The following TNFRSF19 variants were observed in gnomAD, a reference collection of about 807,000 sequenced individuals.
The protein encoded by TNFRSF19 is TNF receptor superfamily member 19, also known as tumor necrosis factor receptor superfamily member 19.
TNFRSF19 carries 27 observed loss-of-function variants against 46.4 expected under a neutral mutation model. That is an observed-to-expected ratio of 0.58 (90% CI 0.43 to 0.80). The LOEUF (loss-of-function observed/expected upper bound fraction) is 0.80. Among genes scored for constraint, TNFRSF19 ranks in the 30% least tolerant of loss-of-function variants. The probability of loss-of-function intolerance (pLI) is 0.00; values close to 1 mark genes in which losing one functional copy is unlikely to be tolerated. For synonymous variants in TNFRSF19, 204 were observed against 205.0 expected (o/e 1.00, Z 0.04); for missense variants, 511 against 530.8 (o/e 0.96, Z 0.37).
chr13:23,618,435 A>C (rs1351633460), intron 4 of TNFRSF19, among the ~76,000 whole-genome samples: 1 of 152,232 alleles, frequency 6.6e-6, no homozygotes, highest in Non-Finnish European at 1.5e-5. Flanking sequence ...ATGCAAATCA[A>C]ACCCACATTC....
intron 4 of TNFRSF19, among the ~76,000 whole-genome samples, chr13:23,620,402 T>C (rs1374789596): frequency 6.6e-6 from 1 of 152,168 alleles, no homozygotes; most frequent in Non-Finnish European, 1.5e-5. Context: ...CACCAGCTGC[T>C]TCCCTCTCAG....
At chr13:23,592,194 G>T (rs1250658660) in intron 2 of TNFRSF19, among the ~76,000 whole-genome samples, 1 of 152,106 alleles carries the variant, frequency 6.6e-6, no homozygotes, top group African/African-American at 2.4e-5. Context: ...AATGTCCTGT[G>T]CTCAACTGTG....
chr13:23,673,581 A>G lies in TNFRSF19; in HGVS notation c.*201A>G, dbSNP rs560105128. On this transcript the variant is annotated 3_prime_UTR_variant, in exon 10 of 10. Coordinates refer to ENST00000248484, the MANE Select transcript of TNFRSF19 (RefSeq NM_148957.4). ...GTAAGCTGAAACCTCAATGAATAAC[A>G]AGAAAAGACTCCAGGCCGACTCATG... 4.5e-5 allele frequency: 56 copies of G among 1,253,244 alleles called. No homozygotes were observed. Among genetic ancestry groups the G allele is most frequent in the Non-Finnish European group, 5.5e-5 (55 of 994,416 alleles). 77.6% of individuals were successfully genotyped at this position (1,253,244 alleles called of 1,614,324 possible). A position where few individuals can be genotyped will look rare whatever the true frequency, so the allele number is the denominator to read the frequency against.
chr13:23,664,937 A>G (rs963203245), intron 7 of TNFRSF19, among the ~76,000 whole-genome samples: 4 of 152,232 alleles, frequency 2.6e-5, no homozygotes, highest in Non-Finnish European at 5.9e-5. Flanking sequence ...CAGGACCACT[A>G]TGGTATAGTT....
rs1474939987 is a variant in TNFRSF19 at position 23,675,636 on chromosome 13, A to G, written c.*2256A>G. On this transcript the variant is annotated 3_prime_UTR_variant, in exon 10 of 10. Transcript: ENST00000248484. ...ATTTGAGGAAAAAAATGCAATTTGC[A>G]CTTCACTTTGTTGGAATATCCCATA... 1 of 152,204 alleles carries G rather than the reference A, an allele frequency of 6.6e-6. No homozygotes were observed. The highest frequency in any genetic ancestry group is 2.4e-5 in the African/African-American group (1 of 41,462). The allele number at this position is 152,204 out of a possible 1,614,324, so 9.4% of individuals were successfully genotyped here. A position where few individuals can be genotyped will look rare whatever the true frequency, so the allele number is the denominator to read the frequency against.
chr13:23,599,900 G>A (rs945263995), intron 3 of TNFRSF19, among the ~76,000 whole-genome samples: 2 of 148,996 alleles, frequency 1.3e-5, no homozygotes, highest in Admixed American at 6.7e-5. Flanking sequence ...AAGAGGGGGG[G>A]TCCATTCAGA....
chr13:23,611,966 T>C (rs1303998054), intron 3 of TNFRSF19, among the ~76,000 whole-genome samples: 1 of 152,166 alleles, frequency 6.6e-6, no homozygotes, highest in African/African-American at 2.4e-5. Context: ...CAGTGTTAAA[T>C]ACATGCACTC....
chr13:23,586,225 T>G (rs1267043848), intron 1 of TNFRSF19, among the ~76,000 whole-genome samples: 15 of 127,946 alleles, frequency 1.2e-4, no homozygotes, highest in Non-Finnish European at 2.0e-4. Flanking sequence ...ACTACTGCAC[T>G]CCAGCCTGGG....
chr13:23,643,790 C>T (rs896485325), intron 5 of TNFRSF19, among the ~76,000 whole-genome samples: 8 of 152,218 alleles, frequency 5.3e-5, no homozygotes, highest in Admixed American at 1.3e-4. Context: ...AAATAACCTC[C>T]ACCCCACAAT....
chr13:23,652,803 G>A (rs1883729669), intron 5 of TNFRSF19, among the ~76,000 whole-genome samples: 1 of 152,086 alleles, frequency 6.6e-6, no homozygotes, highest in African/African-American at 2.4e-5. Flanking sequence ...TGGAATACTT[G>A]GGATTTTTCC....
chr13:23,659,001 T>G lies in TNFRSF19; in HGVS notation c.446-49T>G, dbSNP rs758568113. On this transcript the variant is annotated intron_variant, in intron 5 of 9. Transcript: ENST00000248484. The surrounding 1 kb of genome is among the most constrained non-coding windows in gnomAD (Gnocchi z 4.9). Reference sequence around the variant, plus strand: ...TGCCTGCCAGCTTCGCCATAAACACTGCATCTGCAGTTGTTCAGAGCATGC... The same window carrying G: ...TGCCTGCCAGCTTCGCCATAAACACGGCATCTGCAGTTGTTCAGAGCATGC... The G allele has an allele frequency of 1.2e-6, 2 of 1,610,272 alleles. No individual in the cohort carries two copies. Among genetic ancestry groups the G allele is most frequent in the Non-Finnish European group, 1.7e-6 (2 of 1,179,574 alleles).
chr13:23,591,874 G>T (rs1021585392), intron 2 of TNFRSF19, among the ~76,000 whole-genome samples: 1 of 151,816 alleles, frequency 6.6e-6, no homozygotes, highest in African/African-American at 2.4e-5. Flanking sequence ...CTACAGGTGC[G>T]CACCACCACA....
At chr13:23,645,542 C>T (rs753841473) in intron 5 of TNFRSF19, among the ~76,000 whole-genome samples, 1 of 152,166 alleles carries the variant, frequency 6.6e-6, no homozygotes, top group Non-Finnish European at 1.5e-5. Flanking sequence ...GAATTCATCC[C>T]GCAAAGCCTT....
intron 4 of TNFRSF19, 125 bp downstream of exon 4, chr13:23,616,170 TTG>T: frequency 2.0e-6 from 2 of 1,005,766 alleles, no homozygotes; most frequent in Non-Finnish European, 2.8e-6. Flanking sequence ...GGTGGAGTAT[TTG>T]TGACTTCTTT....
At chr13:23,662,335 T>C (rs1197345010) in intron 7 of TNFRSF19, among the ~76,000 whole-genome samples, 5 of 152,212 alleles carry the variant, frequency 3.3e-5, no homozygotes, top group South Asian at 2.1e-4. Context: ...CAGGTAGTTG[T>C]ACATGTGTGG....
At chr13:23,586,472 T>C (rs1242538448) in intron 1 of TNFRSF19, among the ~76,000 whole-genome samples, 6 of 152,152 alleles carry the variant, frequency 3.9e-5, no homozygotes, top group Non-Finnish European at 8.8e-5. Flanking sequence ...TTGAGGGACC[T>C]GCTGGTGGAA....
At chr13:23,664,133 T>G (rs1430162233) in intron 7 of TNFRSF19, among the ~76,000 whole-genome samples, 2 of 152,162 alleles carry the variant, frequency 1.3e-5, no homozygotes, top group African/African-American at 4.8e-5. Flanking sequence ...TTTATTTGGG[T>G]GTTTAGTGCT....
rs749086084 is a variant in TNFRSF19, at chr13:23,659,120, C to T, written c.516C>T (p.Ala172=). The T allele has an allele frequency of 2.7e-5, 44 of 1,613,934 alleles. No homozygotes were observed. The highest frequency in any genetic ancestry group is 3.5e-5 in the Non-Finnish European group (41 of 1,180,040). Residue 172 remains alanine, a synonymous_variant, in exon 6 of 10, where the codon GCC becomes GCT. Transcript: ENST00000248484. This position sits in a 1 kb window ranked among gnomAD's most constrained non-coding sequence, Gnocchi z 4.9. ...GCCCACGGGACACGGCGCTGGCTGC[C>T]GTTATCTGCAGCGCTCTGGCCACCG... is the stretch of plus-strand genomic sequence containing the variant. ...ASSPRDTALA[A]VICSALATVL...
At chr13:23,600,837 G>A (rs1377002640) in intron 3 of TNFRSF19, among the ~76,000 whole-genome samples, 1 of 152,094 alleles carries the variant, frequency 6.6e-6, no homozygotes, top group African/African-American at 2.4e-5. Context: ...CATTACTAAA[G>A]GCCTGTTTAT....
Sources: gnomAD v4.1 joint callset for allele counts (sites outside exome capture counted in the v4.1 genomes callset) on GRCh38, gnomAD v4.1.1 for gene constraint, Gnocchi (gnomAD v3.1) non-coding constraint, MANE v1.5 for transcripts, NCBI Gene and HGNC (gene_info 2026-07-23, HGNC 2026-07-21) for gene names.